CUBN: variants seen among roughly 807,000 people sequenced by gnomAD.
CUBN encodes the protein 460 kDa receptor.
CUBN carries 282 observed loss-of-function variants against 405.3 expected under a neutral mutation model. The ratio of observed to expected loss-of-function variants is 0.70; its 90% CI spans 0.63 to 0.77. CUBN has a LOEUF of 0.77. Ranked by LOEUF, CUBN falls within the 30% of genes least tolerant of loss-of-function variation. The pLI is 0.00. For missense variants in CUBN, 4,514 were observed against 4,475.2 expected (o/e 1.01, Z -0.25); for synonymous variants, 1,684 against 1,617.0 (o/e 1.04, Z -0.99).
intron 31 of CUBN, among the ~76,000 whole-genome samples, chr10:16,962,609 A>G (rs1264367577): frequency 2.0e-5 from 3 of 152,280 alleles, no homozygotes; most frequent in African/African-American, 7.2e-5. Flanking sequence ...CACCTCCATA[A>G]TGAGGTGAGA....
At chr10:16,837,358 T>G (rs1839203968) in intron 62 of CUBN, among the ~76,000 whole-genome samples, 1 of 152,100 alleles carries the variant, frequency 6.6e-6, no homozygotes, top group Admixed American at 6.5e-5. Flanking sequence ...GCAGCTTCCA[T>G]CCTCGTCTCA....
At chr10:16,910,222 C>G (rs2131444973) in intron 48 of CUBN, among the ~76,000 whole-genome samples, 1 of 150,682 alleles carries the variant, frequency 6.6e-6, no homozygotes, top group African/African-American at 2.4e-5. Context: ...TCTCTTCTCC[C>G]TCTTCTTCTT....
At chr10:17,126,390 C>T (rs1252937224) in intron 4 of CUBN, among the ~76,000 whole-genome samples, 1 of 152,150 alleles carries the variant, frequency 6.6e-6, no homozygotes, top group Admixed American at 6.5e-5. Context: ...AGCTTAGCGT[C>T]AGAGAGGATG....
chr10:16,859,708 G>A (rs1214355299), intron 59 of CUBN, among the ~76,000 whole-genome samples: 1 of 152,116 alleles, frequency 6.6e-6, no homozygotes, highest in Non-Finnish European at 1.5e-5. Context: ...GATCTCCAAT[G>A]AAAGAAACAT....
chr10:16,914,927 G>T (rs1393053430), intron 47 of CUBN, 105 bp downstream of exon 47: 2 of 974,772 alleles, frequency 2.1e-6, no homozygotes, highest in Non-Finnish European at 1.6e-6. Flanking sequence ...AGAAAATAGG[G>T]GTCATGTTTT....
chr10:16,827,171 G>A (rs1218784532), intron 66 of CUBN, among the ~76,000 whole-genome samples: 1 of 152,112 alleles, frequency 6.6e-6, no homozygotes, highest in Non-Finnish European at 1.5e-5. Context: ...AAAAGTTCAA[G>A]AGACCTAAAT....
chr10:16,854,275 T>A (rs916206391), intron 59 of CUBN, among the ~76,000 whole-genome samples: 2 of 152,128 alleles, frequency 1.3e-5, no homozygotes, highest in Non-Finnish European at 2.9e-5. Flanking sequence ...GAGAAAAGAA[T>A]AGGGCACATG....
At chr10:16,901,187 G>A (rs952330109) in intron 52 of CUBN, 151 bp downstream of exon 52, 2 of 1,112,060 alleles carry the variant, frequency 1.8e-6, no homozygotes, top group Non-Finnish European at 2.7e-6. Context: ...ATGTGCTCTA[G>A]TGAGAAAATG....
At chr10:16,907,043 A>C (rs1841573437) in intron 49 of CUBN, among the ~76,000 whole-genome samples, 1 of 152,202 alleles carries the variant, frequency 6.6e-6, no homozygotes, top group Non-Finnish European at 1.5e-5. Flanking sequence ...TTAATTTTGG[A>C]ATATTCTATA....
intron 60 of CUBN, among the ~76,000 whole-genome samples, chr10:16,846,826 GAAAAGA>G (rs67047586): frequency 9.0e-4 from 128 of 142,014 alleles, no homozygotes; most frequent in African/African-American, 3.2e-3. Flanking sequence ...AAAAAAAAAA[GAAAAGA>G]AAAAGAAAAA....
At chr10:17,101,324 G>C (rs1464480873) in intron 13 of CUBN, among the ~76,000 whole-genome samples, 2 of 151,266 alleles carry the variant, frequency 1.3e-5, no homozygotes, top group Non-Finnish European at 2.9e-5. Context: ...AGTATTACAA[G>C]TTTCTCACCT....
At chr10:16,836,465 AG>A in intron 62 of CUBN, 83 bp from the exon 63 acceptor site, 2 of 1,279,740 alleles carry the variant, frequency 1.6e-6, no homozygotes, top group Non-Finnish European at 2.3e-6. Context: ...TGCATATAAA[AG>A]CATGGTGTAA....
chr10:17,088,248 T>C lies in CUBN; in HGVS notation c.1863A>G (p.Val621=). ...ATGTTACCAGGAGGTCAGGACTAGTTACAACAATCCAGACACAATCTCTTC... is the reference window on the plus strand; with the variant it reads ...ATGTTACCAGGAGGTCAGGACTAGTCACAACAATCCAGACACAATCTCTTC... ...PPGRDCVWIV[V]TSPDLLVTFT... is the part of the protein sequence containing the mutation. The change falls in exon 15 of 67, where the codon GTA becomes GTG. Residue 621 remains valine (V), a synonymous_variant. Coordinates refer to ENST00000377833, the MANE Select transcript of CUBN (RefSeq NM_001081.4). 1 of 1,613,364 alleles carries C rather than the reference T, an allele frequency of 6.2e-7. No individual in the cohort carries two copies. Among genetic ancestry groups the C allele is most frequent in the South Asian group, 1.1e-5 (1 of 91,050 alleles).
chr10:17,053,917 G>T (rs1486605469), intron 22 of CUBN, among the ~76,000 whole-genome samples: 1 of 152,004 alleles, frequency 6.6e-6, no homozygotes, highest in Non-Finnish European at 1.5e-5. Context: ...AAGACATCTA[G>T]AAAACCTGCA....
At position 16,963,370 on chromosome 10, in the gene CUBN, A is replaced by G. The variant is rs145003710; in HGVS notation, c.4696-8822T>C. On this transcript the variant is annotated intron_variant, in intron 31 of 66. Coordinates refer to ENST00000377833, the MANE Select transcript of CUBN (RefSeq NM_001081.4). ...CCAGCTAATTTTTTGTATTTGTAGT[A>G]GGGACAGGTTTTCTCCATGTTGGCC... is the stretch of plus-strand genomic sequence containing the variant. Among the ~76,000 whole-genome samples, 664 of 151,384 alleles carry G rather than the reference A, an allele frequency of 4.4e-3. 7 individuals are homozygous for G. Among genetic ancestry groups the G allele is most frequent in the Non-Finnish European group, 8.2e-3 (553 of 67,810 alleles).
chr10:16,851,816 A>C (rs1430440095), intron 59 of CUBN, among the ~76,000 whole-genome samples: 22 of 64,468 alleles, frequency 3.4e-4, no homozygotes, highest in African/African-American at 7.6e-4. Context: ...CCCTCCCTCT[A>C]TATTTCCCTC....
At chr10:16,951,121 T>C (rs1325947295) in intron 33 of CUBN, among the ~76,000 whole-genome samples, 9 of 152,236 alleles carry the variant, frequency 5.9e-5, no homozygotes, top group South Asian at 2.1e-4. Flanking sequence ...AGATCTTTCA[T>C]CTAAATGCTT....
intron 56 of CUBN, among the ~76,000 whole-genome samples, chr10:16,886,844 A>G (rs1270367900): frequency 6.6e-6 from 1 of 152,208 alleles, no homozygotes; most frequent in African/African-American, 2.4e-5. Flanking sequence ...GCTGGAGTGC[A>G]ATGGCATGAT....
intron 66 of CUBN, among the ~76,000 whole-genome samples, chr10:16,827,618 T>C (rs1838822337): frequency 6.6e-6 from 1 of 152,202 alleles, no homozygotes; most frequent in Non-Finnish European, 1.5e-5. Context: ...TCTTGTTATT[T>C]TGAGATGGAG....
Sources: gnomAD v4.1 joint callset for allele counts (sites outside exome capture counted in the v4.1 genomes callset) on GRCh38, gnomAD v4.1.1 for gene constraint, MANE v1.5 for transcripts, NCBI Gene and HGNC (gene_info 2026-07-23, HGNC 2026-07-21) for gene names.